The following TPM2 variants were observed in gnomAD, a reference collection of about 807,000 sequenced individuals.
TPM2 encodes tropomyosin 2.
A neutral mutation model predicts 41.0 loss-of-function variants in TPM2; 26 were observed. That is an observed-to-expected ratio of 0.63 (90% CI 0.46 to 0.88). TPM2 has a LOEUF of 0.88. Among genes scored for constraint, TPM2 ranks in the 40% least tolerant of loss-of-function variants. The pLI is 0.00. For synonymous variants in TPM2, 143 were observed against 139.3 expected, an observed-to-expected ratio of 1.03 and a Z score of -0.19; for missense variants, 187 against 355.2, an observed-to-expected ratio of 0.53 and a Z score of 3.81.
downstream of TPM2, chr9:35,682,869 T>A: frequency 1.4e-6 from 2 of 1,452,724 alleles, no homozygotes; most frequent in Non-Finnish European, 1.8e-6. Context: ...GTGTCAGGAG[T>A]GAACCAGTGC....
At chr9:35,689,656 C>T (rs745473477) in intron 1 of TPM2, 48 bp downstream of exon 1, 2 of 1,606,994 alleles carry the variant, frequency 1.2e-6, no homozygotes, top group Non-Finnish European at 1.7e-6. Context: ...GCGGCCCACC[C>T]TTGCCCTAGG....
chr9:35,683,865 C>T (rs967822713), intron 8 of TPM2, among the ~76,000 whole-genome samples: 2 of 152,198 alleles, frequency 1.3e-5, no homozygotes, highest in African/African-American at 2.4e-5. Flanking sequence ...GCGTTACACT[C>T]GGGGACGGAA....
chr9:35,685,433 C>A lies in TPM2; in HGVS notation c.492+1G>T. ...AGCAGGCAGAGGGGCAAGGCTGTCA[C>A]CTCTTCATATTTGCGGTCTGAATCC... On this transcript the variant is annotated splice_donor_variant, in intron 4 of 8. Transcript: ENST00000645482. LOFTEE classifies it high-confidence loss of function. This position sits in a 1 kb window ranked among gnomAD's most constrained non-coding sequence, Gnocchi z 5.0. 1.2e-6 allele frequency: 2 copies of A among 1,614,222 alleles called. No homozygotes were observed. The highest frequency in any genetic ancestry group is 1.7e-6 in the Non-Finnish European group (2 of 1,180,026).
chr9:35,686,016 C>T (rs1268988754), intron 2 of TPM2, among the ~76,000 whole-genome samples: 1 of 152,106 alleles, frequency 6.6e-6, no homozygotes, highest in African/African-American at 2.4e-5. Flanking sequence ...TCTGGGAGGC[C>T]GAGGCGGGTG....
chr9:35,683,959 C>T (rs1824724101), intron 8 of TPM2: 1 of 441,832 alleles, frequency 2.3e-6, no homozygotes, highest in African/African-American at 2.0e-5. Context: ...AATGTAAATC[C>T]TCCAGCCCAA....
chr9:35,689,397 G>C, intron 1 of TPM2, 126 bp from the exon 2 acceptor site: 1 of 1,500,460 alleles, frequency 6.7e-7, no homozygotes, highest in Non-Finnish European at 8.8e-7. Context: ...TAACATAAAA[G>C]GGACAGTACA....
Position 35,689,165 on chromosome 9 carries a change from G to A in TPM2, c.221C>T (p.Ala74Val). The A allele has an allele frequency of 6.2e-7, 1 of 1,614,140 alleles. No individual in the cohort carries two copies. Among genetic ancestry groups the A allele is most frequent in the Non-Finnish European group, 8.5e-7 (1 of 1,180,034 alleles). The change falls in exon 2 of 9, where the codon GCC becomes GTC. Residue 74 changes from alanine (A) to valine (V), a missense_variant. Ala to Val is a moderately conservative substitution (Grantham distance 64). Transcript: ENST00000645482. ...ACTCACATCAGTGGCCTTCTTCTCGGCCTGCTCCAGTTTCTCCTGGGCCTC... is the reference window on the plus strand; with the variant it reads ...ACTCACATCAGTGGCCTTCTTCTCGACCTGCTCCAGTTTCTCCTGGGCCTC... ...VKEAQEKLEQ[A>V]EKKATDAEAD...
chr9:35,690,050 C>T, upstream of TPM2: 3 of 1,346,662 alleles, frequency 2.2e-6, no homozygotes, highest in Middle Eastern at 2.8e-4. Context: ...CCGGGGGGTG[C>T]GGCCGCCCCC....
Position 35,684,744 on chromosome 9 carries a change from G to C in TPM2, c.627C>G (p.Ala209=), listed in dbSNP as rs2131849764. Residue 209 remains alanine, a synonymous_variant, in exon 6 of 9, where the codon GCC becomes GCG. Coordinates refer to ENST00000645482, the MANE Select transcript of TPM2 (RefSeq NM_003289.4). ...TGCTCCCCTCTACCTTGTCCGCCTG[G>C]GCCTCCAGGGATTTCAAGTTGTTGG... ...IVTNNLKSLE[A]QADKYSTKED... 1 of 1,614,048 alleles carries C rather than the reference G, an allele frequency of 6.2e-7. No individual in the cohort carries two copies. Among genetic ancestry groups the C allele is most frequent in the Admixed American group, 1.7e-5 (1 of 60,004 alleles).
downstream of TPM2, chr9:35,682,555 A>G: frequency 8.1e-7 from 1 of 1,241,662 alleles, no homozygotes; most frequent in Non-Finnish European, 1.0e-6. Flanking sequence ...CATGTTGCTG[A>G]TATCCAACAT....
chr9:35,688,056 C>G (rs553827437), intron 2 of TPM2, among the ~76,000 whole-genome samples: 1 of 152,186 alleles, frequency 6.6e-6, no homozygotes, highest in South Asian at 2.1e-4. Flanking sequence ...CCCTGTCCCC[C>G]CTGCCCCTCC....
chr9:35,690,015 T>C (rs1179258050), upstream of TPM2: 36 of 1,419,120 alleles, frequency 2.5e-5, no homozygotes, highest in South Asian at 1.4e-4. Flanking sequence ...GGCCCAAACC[T>C]TGTAGGGGCA....
intron 8 of TPM2, among the ~76,000 whole-genome samples, chr9:35,683,442 CCTT>C (rs2131846815): frequency 6.6e-6 from 1 of 152,312 alleles, no homozygotes; most frequent in Admixed American, 6.5e-5. Flanking sequence ...TCTTTTCTGT[CCTT>C]CTCTGTACCC....
At chr9:35,683,310 A>C in intron 8 of TPM2, 69 bp from the exon 9 acceptor site, 1 of 1,421,856 alleles carries the variant, frequency 7.0e-7, no homozygotes, top group Non-Finnish European at 9.7e-7. Context: ...GAGGAAAGGA[A>C]GGAGAGAGAG....
chr9:35,682,529 GCT>G, downstream of TPM2: 1 of 1,254,096 alleles, frequency 8.0e-7, no homozygotes, highest in South Asian at 1.5e-5. Flanking sequence ...CAGACCTGCT[GCT>G]GCAGTGAAAG....
At chr9:35,686,309 G>A (rs1445077226) in intron 2 of TPM2, 1 of 245,878 alleles carries the variant, frequency 4.1e-6, no homozygotes, top group Non-Finnish European at 8.0e-6. Context: ...CCTGCTGCAG[G>A]GCCTCTCCTG....
At chr9:35,684,857 C>G (rs1247670172) in intron 5 of TPM2, 50 bp from the exon 6 acceptor site, 2 of 1,613,436 alleles carry the variant, frequency 1.2e-6, no homozygotes, top group Admixed American at 1.7e-5. Context: ...CACAGCGAAG[C>G]CAGACAGTGG....
chr9:35,685,426 G>A lies in TPM2; in HGVS notation c.492+8C>T. ...GGCAGCGAGCAGGCAGAGGGGCAAG[G>A]CTGTCACCTCTTCATATTTGCGGTC... On this transcript the variant is annotated splice_region_variant and intron_variant, in intron 4 of 8. Transcript: ENST00000645482. The surrounding 1 kb of genome is among the most constrained non-coding windows in gnomAD (Gnocchi z 5.0). 1 of 1,614,178 alleles carries A rather than the reference G, an allele frequency of 6.2e-7. No individual in the cohort carries two copies. The highest frequency in any genetic ancestry group is 8.5e-7 in the Non-Finnish European group (1 of 1,180,000).
intron 2 of TPM2, 30 bp downstream of exon 2, chr9:35,689,116 C>A (rs888838423): frequency 3.7e-6 from 6 of 1,614,068 alleles, no homozygotes; most frequent in Non-Finnish European, 5.1e-6. Context: ...AGCCCTAACT[C>A]CTCCCATTGT....
Sources: allele counts gnomAD v4.1 joint callset (sites outside exome capture counted in the v4.1 genomes callset), GRCh38; gene constraint gnomAD v4.1.1; non-coding constraint Gnocchi (gnomAD v3.1); transcripts MANE v1.5; gene names NCBI Gene and HGNC (gene_info 2026-07-23, HGNC 2026-07-21).